MYH7B: variants seen among roughly 807,000 people sequenced by gnomAD.
MYH7B encodes myosin-7B.
A neutral mutation model predicts 234.5 loss-of-function variants in MYH7B; 205 were observed. That is an observed-to-expected ratio of 0.87 (90% CI 0.78 to 0.98). MYH7B has a LOEUF of 0.98. MYH7B is among the 50% of genes least tolerant of loss of function. The pLI is 0.00. For missense variants in MYH7B, 2,652 were observed against 2,633.4 expected (o/e 1.01, Z -0.15); for synonymous variants, 1,193 against 1,105.0 (o/e 1.08, Z -1.58).
chr20:34,981,356 C>T (rs1414231983), intron 9 of MYH7B: 1 of 371,872 alleles, frequency 2.7e-6, no homozygotes, highest in Non-Finnish European at 4.8e-6. Context: ...CTCTGGGGTT[C>T]TAATTCTGGC....
chr20:34,991,587 A>G (rs142288361), intron 24 of MYH7B, among the ~76,000 whole-genome samples: 4 of 152,256 alleles, frequency 2.6e-5, no homozygotes, highest in African/African-American at 9.6e-5. Flanking sequence ...GGGATTATCA[A>G]TCTGGAGCTC....
chr20:34,991,068 G>A lies in MYH7B; in HGVS notation c.2130G>A (p.Arg710=), dbSNP rs377707540. 19 of 1,613,836 alleles carry A rather than the reference G, an allele frequency of 1.2e-5. No homozygotes were observed. The highest frequency in any genetic ancestry group is 1.6e-5 in the Non-Finnish European group (19 of 1,179,902). The change falls in exon 24 of 45, where the codon CGG becomes CGA. Residue 710 remains arginine, a synonymous_variant. Transcript: ENST00000262873. The stretch of plus-strand genomic sequence containing the variant: ...GCAATGGGGTCCTGGAGGGGATCCG[G>A]ATCTGCCGCCAAGGGTTCCCCAACA...
In MYH7B at chr20:34,999,565, C is replaced by G; in HGVS notation, c.4541-6C>G. 6.2e-7 allele frequency: 1 copy of G among 1,600,356 alleles called. No homozygotes were observed. The highest frequency in any genetic ancestry group is 1.1e-5 in the South Asian group (1 of 87,950). On this transcript the variant is annotated splice_polypyrimidine_tract_variant and splice_region_variant and intron_variant, in intron 36 of 44. Coordinates refer to ENST00000262873, the Ensembl canonical transcript of MYH7B. Reference sequence around the variant, plus strand: ...GGGTGGCCTCTCAGCACCCTGTCCACTGCAGAGGAGATCAGCGACCTCACA... The same window carrying G: ...GGGTGGCCTCTCAGCACCCTGTCCAGTGCAGAGGAGATCAGCGACCTCACA...
chr20:35,001,307 C>G (rs745665276), exon 42 of MYH7B: 2 of 1,612,396 alleles, frequency 1.2e-6, no homozygotes, highest in Non-Finnish European at 1.7e-6. Flanking sequence ...CCCTTAAGGG[C>G]GTGCGCAAGC....
chr20:34,977,812 T>C, intron 4 of MYH7B, 122 bp from the exon 5 acceptor site: 1 of 1,499,812 alleles, frequency 6.7e-7, no homozygotes, highest in African/African-American at 1.4e-5. Flanking sequence ...AGGGTGTGCA[T>C]GTATGCTGGG....
At chr20:34,994,485 T>C (rs2082216445) in intron 27 of MYH7B, 84 bp downstream of exon 27, 2 of 1,435,508 alleles carry the variant, frequency 1.4e-6, no homozygotes, top group Admixed American at 2.7e-5. Context: ...GCGAGACCCA[T>C]GGGGCTCAGG....
intron 13 of MYH7B, among the ~76,000 whole-genome samples, chr20:34,985,697 G>A (rs4911456): frequency 0.73 from 110,331 of 152,038 alleles, 40,313 homozygotes; most frequent in Middle Eastern, 0.82. Context: ...AGGTCTTGAC[G>A]GATGAGCGCA....
intron 2 of MYH7B, among the ~76,000 whole-genome samples, chr20:34,973,304 G>A (rs182224159): frequency 5.4e-4 from 82 of 152,276 alleles, no homozygotes; most frequent in African/African-American, 1.5e-3. Context: ...AGACTCCTCC[G>A]TGTTGATGTC....
chr20:34,993,027 C>T, intron 24 of MYH7B, 75 bp from the exon 25 acceptor site: 2 of 1,549,874 alleles, frequency 1.3e-6, no homozygotes, highest in Middle Eastern at 3.5e-4. Flanking sequence ...CTCCTCAGTC[C>T]CTGACTTCCC....
At chr20:34,993,141 C>T (rs780352014) in exon 25 of MYH7B, 14 of 1,613,892 alleles carry the variant, frequency 8.7e-6, no homozygotes, top group Middle Eastern at 3.3e-4. Context: ...CGGATGACAC[C>T]TTCATGGACA....
At chr20:34,992,895 T>C (rs1291574846) in intron 24 of MYH7B, among the ~76,000 whole-genome samples, 3 of 151,866 alleles carry the variant, frequency 2.0e-5, no homozygotes, top group Non-Finnish European at 4.4e-5. Context: ...TTAAGTGGAG[T>C]GTCCCTAGTG....
At chr20:34,988,325 G>A in intron 19 of MYH7B, 63 bp downstream of exon 19, 1 of 1,537,684 alleles carries the variant, frequency 6.5e-7, no homozygotes, top group Non-Finnish European at 8.9e-7. Context: ...AAGCAGGGAT[G>A]GATGACCATG....
At position 34,979,716 on chromosome 20, in the gene MYH7B, T is replaced by TA; in HGVS notation, c.255dup (p.Leu86ThrfsTer98). ...CCCATGAACCCGCCTCGCTTCGACT[T>TA]ACTGGAGGACATGGCCATGATGACG... On this transcript the variant is annotated frameshift_variant, in exon 7 of 45. Coordinates refer to ENST00000262873, the Ensembl canonical transcript of MYH7B. LOFTEE classifies it high-confidence loss of function. The TA allele has an allele frequency of 6.2e-7, 1 of 1,614,150 alleles. No homozygotes were observed. Among genetic ancestry groups the TA allele is most frequent in the African/African-American group, 1.3e-5 (1 of 75,044 alleles).
intron 2 of MYH7B, among the ~76,000 whole-genome samples, chr20:34,960,376 C>T (rs149626201): frequency 0.038 from 5,853 of 152,252 alleles, 373 homozygotes; most frequent in African/African-American, 0.13. Context: ...GCTGGGACTA[C>T]AGGCGCCTGC....
At chr20:34,971,826 C>T (rs1364716460) in intron 2 of MYH7B, among the ~76,000 whole-genome samples, 4 of 152,204 alleles carry the variant, frequency 2.6e-5, no homozygotes, top group East Asian at 1.9e-4. Context: ...CCTTTGATGG[C>T]GCCCCAACTC....
At chr20:34,981,117 G>T (rs926032376) in intron 9 of MYH7B, 57 bp downstream of exon 9, 1 of 1,602,690 alleles carries the variant, frequency 6.2e-7, no homozygotes, top group South Asian at 1.1e-5. Context: ...GCAGAAAGAG[G>T]GCGGTACCAC....
intron 24 of MYH7B, among the ~76,000 whole-genome samples, chr20:34,992,766 C>T (rs996495925): frequency 6.6e-6 from 1 of 152,128 alleles, no homozygotes; most frequent in South Asian, 2.1e-4. Flanking sequence ...GATAGGGTTT[C>T]ACCATGTTGC....
rs764202675 is a variant in MYH7B at position 34,987,552 on chromosome 20, G to A, written c.1148-5G>A. The A allele has an allele frequency of 6.2e-7, 1 of 1,609,164 alleles. No homozygotes were observed. Among genetic ancestry groups the A allele is most frequent in the Non-Finnish European group, 8.5e-7 (1 of 1,176,850 alleles). The stretch of plus-strand genomic sequence containing the variant: ...TCCTCCCTTACCCCACTCGTGCCCT[G>A]CCAGGTGCTGACAAGGCTGCCTACC... On this transcript the variant is annotated splice_polypyrimidine_tract_variant and splice_region_variant and intron_variant, in intron 16 of 44. Coordinates refer to ENST00000262873, the Ensembl canonical transcript of MYH7B.
chr20:34,987,434 T>C, intron 16 of MYH7B, 123 bp from the exon 17 acceptor site: 1 of 1,407,470 alleles, frequency 7.1e-7, no homozygotes. Context: ...TCCTGAGGCT[T>C]TGTTTGCTAG....
Sources: gnomAD v4.1 joint callset for allele counts (sites outside exome capture counted in the v4.1 genomes callset) on GRCh38, gnomAD v4.1.1 for gene constraint, MANE v1.5 for transcripts, NCBI Gene and HGNC (gene_info 2026-07-23, HGNC 2026-07-21) for gene names.